The following RBMS1 variants were observed in gnomAD, a reference collection of about 807,000 sequenced individuals.
RBMS1 encodes RNA binding motif single stranded interacting protein 1.
Under a neutral mutation model 62.3 loss-of-function variants are expected in RBMS1, and 17 were observed. That is an observed-to-expected ratio of 0.27 (90% CI 0.19 to 0.41). The LOEUF (loss-of-function observed/expected upper bound fraction) is 0.41. Ranked by LOEUF, RBMS1 falls within the 10% of genes least tolerant of loss-of-function variation. The pLI is 1.00. For missense variants in RBMS1, 334 were observed against 504.5 expected, an observed-to-expected ratio of 0.66 and a Z score of 3.24; for synonymous variants, 172 against 170.0, an observed-to-expected ratio of 1.01 and a Z score of -0.09.
At chr2:160,379,578 G>A (rs556143547) in intron 1 of RBMS1, among the ~76,000 whole-genome samples, 4 of 152,284 alleles carry the variant, frequency 2.6e-5, no homozygotes, top group East Asian at 3.9e-4. Flanking sequence ...GAAGTAGAAC[G>A]TCATTCTGTG....
intron 2 of RBMS1, among the ~76,000 whole-genome samples, chr2:160,338,641 G>T (rs1295829116): frequency 1.3e-5 from 2 of 152,140 alleles, no homozygotes; most frequent in Non-Finnish European, 2.9e-5. Context: ...GTTAAGGATA[G>T]AAACTGTTTT....
At chr2:160,366,590 A>G (rs761525635) in intron 2 of RBMS1, among the ~76,000 whole-genome samples, 1 of 152,242 alleles carries the variant, frequency 6.6e-6, no homozygotes, top group Non-Finnish European at 1.5e-5. Context: ...GCAAAGAAGC[A>G]CATTTATATT....
At chr2:160,462,809 T>C (rs1274462763) in intron 1 of RBMS1, among the ~76,000 whole-genome samples, 2 of 152,168 alleles carry the variant, frequency 1.3e-5, no homozygotes, top group Non-Finnish European at 2.9e-5. Context: ...GTTGGCCAGC[T>C]GGTCTCGAAC....
At chr2:160,387,423 C>T (rs756469801) in intron 1 of RBMS1, among the ~76,000 whole-genome samples, 3 of 151,682 alleles carry the variant, frequency 2.0e-5, no homozygotes, top group Non-Finnish European at 4.4e-5. Flanking sequence ...GTAGCATTAA[C>T]TGGCAGGTTT....
chr2:160,351,239 A>G (rs1480915211), intron 2 of RBMS1, among the ~76,000 whole-genome samples: 1 of 151,956 alleles, frequency 6.6e-6, no homozygotes, highest in East Asian at 1.9e-4. Flanking sequence ...TGACAAGTTA[A>G]TGGGTGCAGC....
intron 3 of RBMS1, among the ~76,000 whole-genome samples, chr2:160,316,226 G>C (rs1690213961): frequency 6.6e-6 from 1 of 151,768 alleles, no homozygotes; most frequent in South Asian, 2.1e-4. Flanking sequence ...CTTTTTTCTT[G>C]CTTCTAGGAT....
intron 4 of RBMS1, among the ~76,000 whole-genome samples, chr2:160,304,774 C>T (rs931124873): frequency 6.6e-6 from 1 of 152,232 alleles, no homozygotes; most frequent in East Asian, 1.9e-4. Flanking sequence ...CTAAAACACA[C>T]ATACTTGACA....
In RBMS1 at chr2:160,493,304, C is replaced by G. The variant is rs369939268; in HGVS notation, c.60G>C (p.Gln20His). 2.5e-5 allele frequency: 41 copies of G among 1,613,308 alleles called. No individual in the cohort carries two copies. In the African/African-American group the frequency reaches 5.2e-4, roughly 20 times the overall value. ...YPQYATYYYP[Q>H]YLQAKQSLVP... ...GCCCCTTTACCTTGGCTTGCAGATACTGGGGGTAATAGTAGGTGGCGTACT... is the reference window on the plus strand; with the variant it reads ...GCCCCTTTACCTTGGCTTGCAGATAGTGGGGGTAATAGTAGGTGGCGTACT... The change falls in exon 1 of 14, where the codon CAG (glutamine) becomes CAC (histidine). Residue 20 changes from glutamine (Q) to histidine (H), a missense_variant. Transcript: ENST00000348849.
At chr2:160,485,514 G>T (rs928419887) in intron 1 of RBMS1, among the ~76,000 whole-genome samples, 1 of 152,108 alleles carries the variant, frequency 6.6e-6, no homozygotes. Flanking sequence ...TTACAGGTTC[G>T]CTGGGGACCA....
chr2:160,348,273 G>T (rs1692297507), intron 2 of RBMS1, among the ~76,000 whole-genome samples: 1 of 152,036 alleles, frequency 6.6e-6, no homozygotes. Context: ...TTCACCAGAG[G>T]AATGAAAAGT....
chr2:160,282,990 A>T (rs1688183195), intron 9 of RBMS1: 1 of 152,244 alleles, frequency 6.6e-6, no homozygotes, highest in African/African-American at 2.4e-5. Context: ...AGGAGAGGAA[A>T]TAAGGCCTCT....
intron 6 of RBMS1, among the ~76,000 whole-genome samples, chr2:160,293,318 CAG>C (rs761678850): frequency 5.9e-5 from 9 of 152,122 alleles, no homozygotes; most frequent in Non-Finnish European, 1.3e-4. Flanking sequence ...ACTATACACA[CAG>C]AGTTATGAAA....
chr2:160,288,044 T>A lies in RBMS1; in HGVS notation c.641-960A>T, dbSNP rs1343018561. On this transcript the variant is annotated intron_variant, in intron 6 of 13. Coordinates refer to ENST00000348849, the MANE Select transcript of RBMS1 (RefSeq NM_016836.4). The stretch of plus-strand genomic sequence containing the variant: ...TTCAAAGATATATACTCATTAGAGT[T>A]AAAAAAAAAAAAAAGTCTACAGACA... Among the ~76,000 whole-genome samples the A allele has an allele frequency of 2.6e-3, 377 of 144,694 alleles. 3 individuals carry two copies. Among genetic ancestry groups the A allele is most frequent in the African/African-American group, 9.1e-3 (358 of 39,426 alleles). The allele number at this position is 144,694 out of a possible 152,430, so 94.9% of individuals were successfully genotyped here. A position where few individuals can be genotyped will look rare whatever the true frequency, so the allele number is the denominator to read the frequency against.
At chr2:160,376,370 T>G (rs1694000171) in intron 1 of RBMS1, among the ~76,000 whole-genome samples, 1 of 152,214 alleles carries the variant, frequency 6.6e-6, no homozygotes, top group African/African-American at 2.4e-5. Flanking sequence ...TACAGGAAAC[T>G]GAACAAGTAT....
At chr2:160,367,530 T>C in intron 1 of RBMS1, 139 bp from the exon 2 acceptor site, 2 of 1,421,168 alleles carry the variant, frequency 1.4e-6, no homozygotes, top group Non-Finnish European at 1.8e-6. Context: ...TTAAAAAAGG[T>C]CTGTTCATGC....
intron 1 of RBMS1, among the ~76,000 whole-genome samples, chr2:160,442,946 C>T (rs544645373): frequency 1.3e-5 from 2 of 152,276 alleles, no homozygotes; most frequent in East Asian, 3.9e-4. Context: ...TGGCTCACGC[C>T]TGTAATCTCA....
intron 1 of RBMS1, among the ~76,000 whole-genome samples, chr2:160,403,520 C>G (rs188828705): frequency 2.0e-5 from 3 of 152,182 alleles, no homozygotes; most frequent in Non-Finnish European, 4.4e-5. Context: ...GAATTCCTCA[C>G]GTGCAGCTAC....
chr2:160,491,612 G>T (rs2105370687), intron 1 of RBMS1, among the ~76,000 whole-genome samples: 1 of 152,326 alleles, frequency 6.6e-6, no homozygotes, highest in South Asian at 2.1e-4. Context: ...TGTGCCTGTA[G>T]AAACATGGCT....
intron 1 of RBMS1, among the ~76,000 whole-genome samples, chr2:160,410,830 G>A (rs1447769326): frequency 1.3e-5 from 2 of 152,134 alleles, no homozygotes; most frequent in African/African-American, 4.8e-5. Context: ...TGCAACCTCT[G>A]CCTCTCGGGT....
Sources: allele counts gnomAD v4.1 joint callset (sites outside exome capture counted in the v4.1 genomes callset), GRCh38; gene constraint gnomAD v4.1.1; transcripts MANE v1.5; gene names NCBI Gene and HGNC (gene_info 2026-07-23, HGNC 2026-07-21).